Variants in CFAP61 observed in about 807,000 individuals in gnomAD.
CFAP61 encodes cilia and flagella associated protein 61, also known as cilia- and flagella-associated protein 61.
In CFAP61, 107 loss-of-function variants were observed where a neutral mutation model predicts 135.6. That is an observed-to-expected ratio of 0.79 (90% confidence interval 0.67 to 0.93). The LOEUF (loss-of-function observed/expected upper bound fraction) is 0.93. Among genes scored for constraint, CFAP61 ranks in the 40% least tolerant of loss-of-function variants. The pLI, the probability that CFAP61 is intolerant of heterozygous loss-of-function variation, is 0.00. For missense variants in CFAP61, 1,507 were observed against 1,556.2 expected (o/e 0.97, Z 0.53); for synonymous variants, 575 against 578.5 (o/e 0.99, Z 0.09).
intron 6 of CFAP61, among the ~76,000 whole-genome samples, chr20:20,076,550 CATGAGCA>C (rs1222545938): frequency 1.3e-5 from 2 of 152,154 alleles, no homozygotes; most frequent in African/African-American, 4.8e-5. Flanking sequence ...CTCACAAAAC[CATGAGCA>C]ATGTAGAGTG....
At chr20:20,324,472 T>G (rs1323212638) in intron 25 of CFAP61, among the ~76,000 whole-genome samples, 1 of 152,214 alleles carries the variant, frequency 6.6e-6, no homozygotes, top group Non-Finnish European at 1.5e-5. Context: ...TTTTTATCTT[T>G]CATGGAATAG....
At chr20:20,336,690 T>C (rs1301959357) in intron 25 of CFAP61, among the ~76,000 whole-genome samples, 1 of 151,954 alleles carries the variant, frequency 6.6e-6, no homozygotes, top group East Asian at 1.9e-4. Flanking sequence ...CAGAAAACGA[T>C]TGATTCCCAA....
chr20:20,061,240 G>C (rs1344195212), intron 2 of CFAP61, among the ~76,000 whole-genome samples: 2 of 151,984 alleles, frequency 1.3e-5, no homozygotes, highest in Non-Finnish European at 2.9e-5. Flanking sequence ...ATCTAAAAGA[G>C]GACAAGACAG....
chr20:20,163,611 T>C, intron 10 of CFAP61, among the ~76,000 whole-genome samples: 1 of 152,134 alleles, frequency 6.6e-6, no homozygotes, highest in Middle Eastern at 3.4e-3. Context: ...TATTATTATT[T>C]TTTAAATTTT....
At chr20:20,341,211 T>G (rs1411102189) in intron 25 of CFAP61, among the ~76,000 whole-genome samples, 1 of 152,192 alleles carries the variant, frequency 6.6e-6, no homozygotes, top group Non-Finnish European at 1.5e-5. Flanking sequence ...AGTTCTTGGT[T>G]ATTCCAAAAA....
At chr20:20,221,465 T>G (rs1174713549) in intron 17 of CFAP61, among the ~76,000 whole-genome samples, 1 of 152,244 alleles carries the variant, frequency 6.6e-6, no homozygotes, top group Non-Finnish European at 1.5e-5. Context: ...AAGATGTACC[T>G]TTATTTTATG....
chr20:20,265,440 C>G (rs146161710), intron 21 of CFAP61: 1 of 779,644 alleles, frequency 1.3e-6, no homozygotes, highest in Admixed American at 1.7e-5. Context: ...CAGTGTTATT[C>G]TGCTGACTTG....
intron 21 of CFAP61, among the ~76,000 whole-genome samples, chr20:20,264,187 C>T (rs1825903802): frequency 1.3e-5 from 2 of 152,086 alleles, no homozygotes; most frequent in Admixed American, 1.3e-4. Flanking sequence ...TATTTATAGG[C>T]TATTTGCCTC....
intron 8 of CFAP61, among the ~76,000 whole-genome samples, chr20:20,134,995 A>G (rs944599871): frequency 6.0e-5 from 9 of 150,872 alleles, no homozygotes; most frequent in African/African-American, 2.2e-4. Flanking sequence ...AGGTCTTTGT[A>G]GTTGTGATTA....
Position 20,360,691 on chromosome 20 carries a change from G to A in CFAP61, c.*281G>A, listed in dbSNP as rs572586129. ...TTCAGCAATAAAATGAGATCATAGT[G>A]TGTAAAACTTGTTTTTACCTTGGGT... is the stretch of plus-strand genomic sequence containing the variant. On this transcript the variant is annotated 3_prime_UTR_variant, in exon 27 of 27. Transcript: ENST00000245957. The A allele has an allele frequency of 1.4e-4, 50 of 365,810 alleles. No homozygotes were observed. Among genetic ancestry groups the A allele is most frequent in the Admixed American group, 4.9e-4 (11 of 22,634 alleles). 22.7% of individuals were successfully genotyped at this position (365,810 alleles called of 1,614,324 possible).
intron 13 of CFAP61, chr20:20,184,559 G>T (rs1204324104): frequency 6.6e-6 from 1 of 152,252 alleles, no homozygotes; most frequent in African/African-American, 2.4e-5. Flanking sequence ...CACTGAGAGG[G>T]TGAAGTTTCA....
At chr20:20,129,019 T>C (rs2050297223) in intron 8 of CFAP61, among the ~76,000 whole-genome samples, 1 of 151,644 alleles carries the variant, frequency 6.6e-6, no homozygotes, top group East Asian at 1.9e-4. Context: ...ATAACTATTA[T>C]TATAATAGTT....
At chr20:20,251,855 A>G in intron 20 of CFAP61, 92 bp downstream of exon 20, 1 of 1,324,814 alleles carries the variant, frequency 7.5e-7, no homozygotes, top group Non-Finnish European at 1.1e-6. Flanking sequence ...ACTCTGGGTA[A>G]AGAGCATCCC....
intron 9 of CFAP61, among the ~76,000 whole-genome samples, chr20:20,149,849 C>T (rs929251809): frequency 1.3e-5 from 2 of 152,198 alleles, no homozygotes; most frequent in Non-Finnish European, 2.9e-5. Context: ...CCCTCTTGAG[C>T]AGAATCCTGG....
intron 8 of CFAP61, among the ~76,000 whole-genome samples, chr20:20,128,705 C>G (rs895171787): frequency 6.6e-6 from 1 of 151,652 alleles, no homozygotes; most frequent in South Asian, 2.1e-4. Context: ...TCCTGCCTCC[C>G]GTCCGCCATG....
chr20:20,106,000 C>CTATACACA (rs1277233037), intron 8 of CFAP61, among the ~76,000 whole-genome samples: 1 of 102,644 alleles, frequency 9.7e-6, no homozygotes, highest in African/African-American at 4.2e-5. Context: ...CTACTCTTGC[C>CTATACACA]TATATATATA....
At chr20:20,086,384 T>G (rs2046805963) in intron 6 of CFAP61, among the ~76,000 whole-genome samples, 1 of 144,846 alleles carries the variant, frequency 6.9e-6, no homozygotes, top group Non-Finnish European at 1.5e-5. Context: ...TTCTCATTGT[T>G]CAATTCCCAC....
At chr20:20,066,980 C>G (rs540872355) in intron 2 of CFAP61, among the ~76,000 whole-genome samples, 36 of 151,552 alleles carry the variant, frequency 2.4e-4, no homozygotes, top group Non-Finnish European at 5.0e-4. Context: ...GGATGTGATA[C>G]AAAGGTGTAT....
At chr20:20,313,802 A>C (rs2056962029) in intron 25 of CFAP61, among the ~76,000 whole-genome samples, 1 of 152,196 alleles carries the variant, frequency 6.6e-6, no homozygotes, top group South Asian at 2.1e-4. Flanking sequence ...CAACAGTGGC[A>C]TGACCCTGGC....
Sources: allele counts gnomAD v4.1 joint callset (sites outside exome capture counted in the v4.1 genomes callset), GRCh38; gene constraint gnomAD v4.1.1; transcripts MANE v1.5; gene names NCBI Gene and HGNC (gene_info 2026-07-23, HGNC 2026-07-21).